Variants in FGFR1OP2 observed in about 807,000 individuals in gnomAD.
FGFR1OP2 encodes FGFR1 oncogene partner 2.
Under a neutral mutation model 35.2 loss-of-function variants are expected in FGFR1OP2, and 17 were observed. That is an observed-to-expected ratio of 0.48 (90% CI 0.33 to 0.73). The LOEUF (loss-of-function observed/expected upper bound fraction) is 0.73. Among genes scored for constraint, FGFR1OP2 ranks in the 30% least tolerant of loss-of-function variants. The probability of loss-of-function intolerance (pLI) is 0.02; values close to 1 mark genes in which losing one functional copy is unlikely to be tolerated. For synonymous variants in FGFR1OP2, 105 were observed against 104.6 expected, an observed-to-expected ratio of 1.00 and a Z score of -0.03; for missense variants, 251 against 307.3, an observed-to-expected ratio of 0.82 and a Z score of 1.37.
intron 1 of FGFR1OP2, 62 bp downstream of exon 1, chr12:26,938,772 G>A (rs1938632497): frequency 6.6e-6 from 1 of 152,272 alleles, no homozygotes; most frequent in Non-Finnish European, 1.5e-5. Flanking sequence ...TCCTTTGCCG[G>A]GGCAGTCCTT....
chr12:26,945,366 A>G (rs1054649348), intron 1 of FGFR1OP2, among the ~76,000 whole-genome samples: 11 of 152,200 alleles, frequency 7.2e-5, no homozygotes, highest in Non-Finnish European at 1.6e-4. Flanking sequence ...TTTGCTTCAA[A>G]GTAGAGTTTT....
At position 26,956,479 on chromosome 12, in the gene FGFR1OP2, CATATATAT is replaced by C. The variant is rs5797206; in HGVS notation, c.136-49_136-42del. On this transcript the variant is annotated intron_variant, in intron 2 of 6. Transcript: ENST00000229395. ...TTCAGATATATTTATATTTATATAT[CATATATAT>C]ATATATATATATATTTGCAGGTATT... The C allele has an allele frequency of 5.8e-5, 14 of 242,202 alleles. 1 individual carries two copies. Among genetic ancestry groups the C allele is most frequent in the Middle Eastern group, 3.4e-3 (2 of 590 alleles). The allele number at this position is 242,202 out of a possible 1,614,324, so 15.0% of individuals were successfully genotyped here.
intron 1 of FGFR1OP2, among the ~76,000 whole-genome samples, chr12:26,953,078 C>A (rs929452421): frequency 1.3e-5 from 2 of 151,738 alleles, no homozygotes; most frequent in Non-Finnish European, 2.9e-5. Context: ...CTGGCTAACA[C>A]AGTGAAACCC....
chr12:26,950,218 T>TTTTG (rs1938901871), intron 1 of FGFR1OP2, among the ~76,000 whole-genome samples: 1 of 102,922 alleles, frequency 9.7e-6, no homozygotes, highest in Non-Finnish European at 1.9e-5. Context: ...TCGTTGTTTT[T>TTTTG]TTTTTTTTTT....
chr12:26,939,304 A>G (rs935619497), intron 1 of FGFR1OP2, among the ~76,000 whole-genome samples: 7 of 148,530 alleles, frequency 4.7e-5, no homozygotes, highest in East Asian at 2.0e-4. Flanking sequence ...TTTCCCTACT[A>G]TAATCCTTCC....
Position 26,956,603 on chromosome 12 carries a change from G to A in FGFR1OP2, c.196G>A (p.Val66Ile). ...GAGACATCGGCCACGGTCCACGTTA[G>A]TTATGGGAATCCAGCAAGAAAACAG... ...VARHRPRSTL[V>I]MGIQQENRQI... Residue 66 changes from valine (V) to isoleucine (I), a missense_variant, in exon 3 of 7, where the codon GTT becomes ATT. By Grantham distance (29) the Val-to-Ile change is conservative. Coordinates refer to ENST00000229395, the MANE Select transcript of FGFR1OP2 (RefSeq NM_015633.3). 6.2e-7 allele frequency: 1 copy of A among 1,606,580 alleles called. No individual in the cohort carries two copies. Among genetic ancestry groups the A allele is most frequent in the Non-Finnish European group, 8.5e-7 (1 of 1,176,744 alleles).
chr12:26,963,495 A>G, intron 6 of FGFR1OP2, 40 bp downstream of exon 6: 2 of 1,302,580 alleles, frequency 1.5e-6, no homozygotes, highest in Non-Finnish European at 1.1e-6. Context: ...AACTGTCCAT[A>G]TAAAGATTTA....
chr12:26,942,929 G>A (rs1328653555), intron 1 of FGFR1OP2, among the ~76,000 whole-genome samples: 2 of 152,088 alleles, frequency 1.3e-5, no homozygotes, highest in Non-Finnish European at 2.9e-5. Flanking sequence ...CTTTCCCAGA[G>A]CAAAAGTTTG....
intron 1 of FGFR1OP2, among the ~76,000 whole-genome samples, chr12:26,947,084 A>G (rs1938839968): frequency 6.6e-6 from 1 of 152,088 alleles, no homozygotes. Context: ...TCAGTTGAAT[A>G]ATATTGCTGT....
chr12:26,957,105 G>C (rs1253400942), intron 3 of FGFR1OP2, among the ~76,000 whole-genome samples: 1 of 151,834 alleles, frequency 6.6e-6, no homozygotes, highest in Non-Finnish European at 1.5e-5. Context: ...TTTCTTCACT[G>C]TGAACTCTTT....
chr12:26,958,297 G>A (rs1435047343), intron 4 of FGFR1OP2, among the ~76,000 whole-genome samples: 1 of 152,148 alleles, frequency 6.6e-6, no homozygotes, highest in Non-Finnish European at 1.5e-5. Context: ...GGAGTTTGAG[G>A]TTACATTGAG....
At chr12:26,943,096 T>C (rs1938762597) in intron 1 of FGFR1OP2, among the ~76,000 whole-genome samples, 1 of 152,268 alleles carries the variant, frequency 6.6e-6, no homozygotes, top group African/African-American at 2.4e-5. Flanking sequence ...TTTAGACTTA[T>C]GGTCCATTTT....
Position 26,956,479 on chromosome 12 carries a change from C to CATATATAT in FGFR1OP2, c.136-49_136-42dup, listed in dbSNP as rs5797206. 384 of 242,060 alleles carry CATATATAT rather than the reference C, an allele frequency of 1.6e-3. 2 individuals are homozygous for CATATATAT. Among genetic ancestry groups the CATATATAT allele is most frequent in the Admixed American group, 9.8e-4 (16 of 16,350 alleles). The allele number at this position is 242,060 out of a possible 1,614,324, so 15.0% of individuals were successfully genotyped here. ...TTCAGATATATTTATATTTATATAT[C>CATATATAT]ATATATATATATATATATATATTTG... On this transcript the variant is annotated intron_variant, in intron 2 of 6. Coordinates refer to ENST00000229395, the MANE Select transcript of FGFR1OP2 (RefSeq NM_015633.3).
rs556269654 is a variant in FGFR1OP2, at chr12:26,960,052, A to T, written c.397-463A>T. On this transcript the variant is annotated intron_variant, in intron 4 of 6. Coordinates refer to ENST00000229395, the MANE Select transcript of FGFR1OP2 (RefSeq NM_015633.3). ...GTCTGTCTCAGTCCAGCCTTGAATT[A>T]ATTATGGGCAGGTAGGTAAACAAGC... Among the ~76,000 whole-genome samples, 3 of 152,162 alleles carry T rather than the reference A, an allele frequency of 2.0e-5. No individual in the cohort carries two copies. The East Asian group carries it at 5.8e-4, about 29-fold the overall frequency.
At chr12:26,956,689 C>T (rs199508407) in intron 3 of FGFR1OP2, 29 bp downstream of exon 3, 1 of 1,341,494 alleles carries the variant, frequency 7.5e-7, no homozygotes, top group Admixed American at 1.9e-5. Flanking sequence ...TGACATTAAT[C>T]CCATTTCTAG....
intron 1 of FGFR1OP2, among the ~76,000 whole-genome samples, chr12:26,946,783 C>T (rs1333385485): frequency 2.0e-5 from 3 of 152,132 alleles, no homozygotes; most frequent in East Asian, 3.8e-4. Context: ...ACATTTTTCC[C>T]GCGCAAAAAG....
chr12:26,942,938 T>C (rs1228781714), intron 1 of FGFR1OP2, among the ~76,000 whole-genome samples: 2 of 152,212 alleles, frequency 1.3e-5, no homozygotes, highest in Non-Finnish European at 2.9e-5. Flanking sequence ...AGCAAAAGTT[T>C]GTGATTTTGA....
rs751013104 is a variant in FGFR1OP2 at position 26,964,702 on chromosome 12, CCAA to C, written c.734_736del (p.Asn245del). The C allele has an allele frequency of 5.6e-6, 9 of 1,611,228 alleles. No homozygotes were observed. In the African/African-American group the frequency reaches 1.2e-4, roughly 22 times the overall value. ...AGTACTTCTTTGTCAGCATTAGTGA[CCAA>C]CAGTGATTTGAGTCTGAGGAAGAGC... On this transcript the variant is annotated inframe_deletion, in exon 7 of 7. Coordinates refer to ENST00000229395, the MANE Select transcript of FGFR1OP2 (RefSeq NM_015633.3).
chr12:26,942,823 T>G (rs1283071206), intron 1 of FGFR1OP2, among the ~76,000 whole-genome samples: 1 of 152,198 alleles, frequency 6.6e-6, no homozygotes, highest in Non-Finnish European at 1.5e-5. Context: ...TTGAGAGACT[T>G]TTTTGTATTC....
Sources: gnomAD v4.1 joint callset for allele counts (sites outside exome capture counted in the v4.1 genomes callset) on GRCh38, gnomAD v4.1.1 for gene constraint, MANE v1.5 for transcripts, NCBI Gene and HGNC (gene_info 2026-07-23, HGNC 2026-07-21) for gene names.